TRRAP: variants seen among roughly 807,000 people sequenced by gnomAD.
The protein encoded by TRRAP is transformation/transcription domain-associated protein.
TRRAP carries 41 observed loss-of-function variants against 438.8 expected under a neutral mutation model. The observed-to-expected ratio is 0.09, with a 90% CI of 0.07 to 0.12. TRRAP has a LOEUF of 0.12. TRRAP is among the 10% of genes least tolerant of loss of function. The probability of loss-of-function intolerance (pLI) is 1.00; values close to 1 mark genes in which losing one functional copy is unlikely to be tolerated. For synonymous variants in TRRAP, 1,994 were observed against 1,962.9 expected, an observed-to-expected ratio of 1.02 and a Z score of -0.42; for missense variants, 3,122 against 5,055.1, an observed-to-expected ratio of 0.62 and a Z score of 11.60.
intron 40 of TRRAP, among the ~76,000 whole-genome samples, chr7:98,954,655 TCTC>T (rs1554419073): frequency 2.0e-5 from 3 of 152,236 alleles, no homozygotes; most frequent in African/African-American, 7.2e-5. Flanking sequence ...GAACTGGTCT[TCTC>T]TGTGTTCCCA....
chr7:99,009,673 G>A (rs1471675487), intron 70 of TRRAP, among the ~76,000 whole-genome samples: 1 of 152,182 alleles, frequency 6.6e-6, no homozygotes, highest in Non-Finnish European at 1.5e-5. Flanking sequence ...ACTTTCGACA[G>A]CGTGGAAGCC....
At position 98,997,483 on chromosome 7, in the gene TRRAP, C is replaced by CAAAAAAAAAAAAAAAAAA. The variant is rs61132070; in HGVS notation, c.10309+2647_10309+2664dup. On this transcript the variant is annotated intron_variant, in intron 67 of 72. Transcript: ENST00000456197. ...ATTATCACCCAAAACACTGCTGTTG[C>CAAAAAAAAAAAAAAAAAA]AAAAAAAAAAAAAAAAAAAAAAAAA... Among the ~76,000 whole-genome samples, 21 of 42,622 alleles carry CAAAAAAAAAAAAAAAAAA rather than the reference C, an allele frequency of 4.9e-4. 2 individuals are homozygous for CAAAAAAAAAAAAAAAAAA. Among genetic ancestry groups the CAAAAAAAAAAAAAAAAAA allele is most frequent in the East Asian group, 3.2e-3 (3 of 940 alleles). 28.0% of individuals were successfully genotyped at this position (42,622 alleles called of 152,430 possible).
chr7:99,008,921 T>G, intron 70 of TRRAP, among the ~76,000 whole-genome samples: 1 of 152,330 alleles, frequency 6.6e-6, no homozygotes, highest in Middle Eastern at 3.4e-3. Context: ...GGAGGCTGTT[T>G]ATAGGCTTCA....
intron 47 of TRRAP, among the ~76,000 whole-genome samples, chr7:98,963,930 A>G (rs41638): frequency 0.11 from 16,762 of 151,644 alleles, 1,017 homozygotes; most frequent in East Asian, 0.27. Flanking sequence ...AAAATACAAA[A>G]ATTAGCCGGG....
intron 11 of TRRAP, 60 bp downstream of exon 11, chr7:98,900,780 C>T: frequency 2.1e-6 from 3 of 1,439,228 alleles, no homozygotes; most frequent in Non-Finnish European, 2.9e-6. Context: ...ATAAAATTCA[C>T]CTTTTGTGGG....
At position 98,994,092 on chromosome 7, in the gene TRRAP, G is replaced by A. The variant is rs973415900; in HGVS notation, c.10047+355G>A. Among the ~76,000 whole-genome samples the A allele has an allele frequency of 2.0e-5, 3 of 152,172 alleles. No homozygotes were observed. The highest frequency in any genetic ancestry group is 4.8e-5 in the African/African-American group (2 of 41,446). ...ATTTCCATAGATGGGAAATTGTAGG[G>A]ATGTGGGGTCTTTTCAGCAGTCAGA... On this transcript the variant is annotated intron_variant, in intron 66 of 72. Coordinates refer to ENST00000456197, the MANE Select transcript of TRRAP (RefSeq NM_001375524.1). This position sits in a 1 kb window ranked among gnomAD's most constrained non-coding sequence, Gnocchi z 4.8.
At chr7:98,985,759 A>C (rs138155440) in intron 62 of TRRAP, among the ~76,000 whole-genome samples, 199 of 152,338 alleles carry the variant, frequency 1.3e-3, no homozygotes, top group African/African-American at 4.2e-3. Flanking sequence ...CAGTTTTGTC[A>C]ACATAAAAAG....
intron 21 of TRRAP, among the ~76,000 whole-genome samples, chr7:98,923,738 G>T (rs1174550493): frequency 1.3e-5 from 2 of 152,240 alleles, no homozygotes; most frequent in African/African-American, 2.4e-5. Flanking sequence ...CCTGGCAGGG[G>T]CTGGTGGGGA....
At chr7:98,932,470 A>G (rs11979767) in intron 26 of TRRAP, among the ~76,000 whole-genome samples, 6,228 of 152,172 alleles carry the variant, frequency 0.041, 146 homozygotes, top group South Asian at 0.055. Flanking sequence ...CATCCAGCCC[A>G]AAATGTCATT....
rs782585648 is a variant in TRRAP at position 98,892,546 on chromosome 7, A to G, written c.366+18A>G. 1.1e-5 allele frequency: 17 copies of G among 1,575,382 alleles called. No homozygotes were observed. Among genetic ancestry groups the G allele is most frequent in the Non-Finnish European group, 1.5e-5 (17 of 1,152,848 alleles). ...TTTTAGAGGTAAGTTTTGAGAATTAATTCTTGTCGTATAGCCGTATGTAAA... is the reference window on the plus strand; with the variant it reads ...TTTTAGAGGTAAGTTTTGAGAATTAGTTCTTGTCGTATAGCCGTATGTAAA... On this transcript the variant is annotated intron_variant, in intron 5 of 72. Transcript: ENST00000456197.
Position 99,012,489 on chromosome 7 carries a change from T to A in TRRAP, c.*134T>A. The A allele has an allele frequency of 8.9e-7, 1 of 1,120,640 alleles. No homozygotes were observed. Among genetic ancestry groups the A allele is most frequent in the Non-Finnish European group, 1.2e-6 (1 of 809,362 alleles). The allele number at this position is 1,120,640 out of a possible 1,614,324, so 69.4% of individuals were successfully genotyped here. A position where few individuals can be genotyped will look rare whatever the true frequency, so the allele number is the denominator to read the frequency against. On this transcript the variant is annotated 3_prime_UTR_variant, in exon 73 of 73. Coordinates refer to ENST00000456197, the MANE Select transcript of TRRAP (RefSeq NM_001375524.1). This position sits in a 1 kb window ranked among gnomAD's most constrained non-coding sequence, Gnocchi z 5.9. ...TTTCACTGGGTTGCGGTTATTTTCC[T>A]GGTAGTTTGCGTGTAAGAAAGGGAG...
intron 23 of TRRAP, among the ~76,000 whole-genome samples, chr7:98,929,069 G>A (rs1000938423): frequency 5.9e-5 from 9 of 151,932 alleles, no homozygotes; most frequent in Non-Finnish European, 1.2e-4. Flanking sequence ...CTCCTGAGTA[G>A]CTGGGATTAC....
intron 52 of TRRAP, among the ~76,000 whole-genome samples, 186 bp from the exon 53 acceptor site, chr7:98,971,613 C>T (rs191595493): frequency 6.6e-6 from 1 of 152,230 alleles, no homozygotes; most frequent in Admixed American, 6.5e-5. Flanking sequence ...AAAAAGAGAG[C>T]GATCTGGTCT....
chr7:98,992,776 G>A lies in TRRAP; in HGVS notation c.9847+549G>A, dbSNP rs186669424. Among the ~76,000 whole-genome samples, 425 of 152,168 alleles carry A rather than the reference G, an allele frequency of 2.8e-3. 2 individuals carry two copies. Among genetic ancestry groups the A allele is most frequent in the Non-Finnish European group, 4.2e-3 (286 of 67,994 alleles). ...GGCAGGGTGCTTTAAATAATGAGAC[G>A]ACCGTTTACTGCCCCTTGTTTTCAA... is the stretch of plus-strand genomic sequence containing the variant. On this transcript the variant is annotated intron_variant, in intron 65 of 72. Coordinates refer to ENST00000456197, the MANE Select transcript of TRRAP (RefSeq NM_001375524.1).
At chr7:98,967,363 A>T in intron 50 of TRRAP, 122 bp from the exon 51 acceptor site, 1 of 1,312,482 alleles carries the variant, frequency 7.6e-7, no homozygotes, top group Non-Finnish European at 1.1e-6. Flanking sequence ...ACGATTTATA[A>T]CATACTCTTG....
At chr7:98,950,774 A>G in intron 38 of TRRAP, 102 bp from the exon 39 acceptor site, 4 of 1,367,526 alleles carry the variant, frequency 2.9e-6, no homozygotes, top group Non-Finnish European at 3.8e-6. Context: ...TTGAGTTCCA[A>G]CTTGATGGTG....
chr7:98,935,774 T>C, intron 28 of TRRAP, 99 bp downstream of exon 28: 1 of 907,098 alleles, frequency 1.1e-6, no homozygotes, highest in South Asian at 2.5e-5. Flanking sequence ...GTCTAATTTT[T>C]ATGACTTTTT....
chr7:98,993,511 C>T (rs1398086641), intron 65 of TRRAP, 27 bp from the exon 66 acceptor site: 1 of 1,604,132 alleles, frequency 6.2e-7, no homozygotes, highest in Non-Finnish European at 8.5e-7. Context: ...TTTGCGCTGA[C>T]ACTGGCGTTG....
intron 63 of TRRAP, 48 bp downstream of exon 63, chr7:98,989,014 A>T (rs912072934): frequency 3.4e-5 from 54 of 1,567,438 alleles, no homozygotes; most frequent in Non-Finnish European, 4.2e-5. Context: ...TGTCACCTTC[A>T]GATTTGGACA....
Sources: gnomAD v4.1 joint callset for allele counts (sites outside exome capture counted in the v4.1 genomes callset) on GRCh38, gnomAD v4.1.1 for gene constraint, Gnocchi (gnomAD v3.1) non-coding constraint, MANE v1.5 for transcripts, NCBI Gene and HGNC (gene_info 2026-07-23, HGNC 2026-07-21) for gene names.